PPEF2: variants seen among roughly 807,000 people sequenced by gnomAD.
PPEF2 encodes protein phosphatase with EF-hand domain 2.
Under a neutral mutation model 84.7 loss-of-function variants are expected in PPEF2, and 84 were observed. That is an observed-to-expected ratio of 0.99 (90% CI 0.83 to 1.19). The LOEUF (loss-of-function observed/expected upper bound fraction) is 1.19, where lower values mean the gene tolerates loss of function less well. Ranked by LOEUF, PPEF2 falls within the 50% of genes most tolerant of loss-of-function variation. The pLI, the probability that PPEF2 is intolerant of heterozygous loss-of-function variation, is 0.00. For synonymous variants in PPEF2, 346 were observed against 345.2 expected (o/e 1.00, Z -0.03); for missense variants, 924 against 937.5 (o/e 0.99, Z 0.19).
At chr4:75,866,589 C>T (rs1032088148) in intron 14 of PPEF2, 3 of 526,008 alleles carry the variant, frequency 5.7e-6, no homozygotes, top group South Asian at 2.0e-5. Flanking sequence ...TATAAAAGTG[C>T]CAAATATTGC....
At chr4:75,881,646 A>G (rs567644138) in intron 10 of PPEF2, 2 of 152,330 alleles carry the variant, frequency 1.3e-5, no homozygotes, top group South Asian at 4.1e-4. Flanking sequence ...GGACACAGCA[A>G]TTTCTAGTTA....
At position 75,872,175 on chromosome 4, in the gene PPEF2, A is replaced by G. The variant is rs1393467036; in HGVS notation, c.1507-8T>C. ...AGAAAAGATTGTTAATACCTACATC[A>G]AAACAGAAGAGAGACAGGTGTTCAC... On this transcript the variant is annotated splice_polypyrimidine_tract_variant and splice_region_variant and intron_variant, in intron 12 of 16. Coordinates refer to ENST00000286719, the MANE Select transcript of PPEF2 (RefSeq NM_006239.3). 1 of 1,611,606 alleles carries G rather than the reference A, an allele frequency of 6.2e-7. No individual in the cohort carries two copies. Among genetic ancestry groups the G allele is most frequent in the African/African-American group, 1.3e-5 (1 of 74,784 alleles).
chr4:75,869,322 A>T (rs549619535), intron 13 of PPEF2, among the ~76,000 whole-genome samples: 1 of 152,212 alleles, frequency 6.6e-6, no homozygotes, highest in Non-Finnish European at 1.5e-5. Flanking sequence ...AGAGCTCTAC[A>T]TGGATTATCT....
intron 16 of PPEF2, among the ~76,000 whole-genome samples, chr4:75,861,614 G>GTTTTTTTTTTTTTTTTTTTTT (rs71210216): frequency 1.2e-5 from 1 of 86,138 alleles, no homozygotes; most frequent in South Asian, 7.4e-4. Context: ...TTATGCAACA[G>GTTTTTTTTTTTTTTTTTTTTT]TTTTTTTTTT....
At chr4:75,882,549 T>TTG (rs1456369576) in intron 10 of PPEF2, among the ~76,000 whole-genome samples, 1 of 151,736 alleles carries the variant, frequency 6.6e-6, no homozygotes, top group Non-Finnish European at 1.5e-5. Flanking sequence ...CTTTTTTTTT[T>TTG]TTTTAGAAAC....
chr4:75,861,982 C>T (rs62321581), intron 16 of PPEF2, among the ~76,000 whole-genome samples: 150,011 of 151,350 alleles, frequency 0.99, 74,359 homozygotes, highest in Middle Eastern at 1. Context: ...ATAAATTGGA[C>T]TTTTTCAAAA....
rs33975459 is a variant in PPEF2 at position 75,870,878 on chromosome 4, C to CATTT, written c.1649+1143_1649+1146dup. On this transcript the variant is annotated intron_variant, in intron 13 of 16. Transcript: ENST00000286719. Reference sequence around the variant, plus strand: ...AACTCAGAATCATCTCAAAAGCTACCATTTATTTATTTATTTATTTATTTA... The same window carrying CATTT: ...AACTCAGAATCATCTCAAAAGCTACCATTTATTTATTTATTTATTTATTTATTTA... Among the ~76,000 whole-genome samples, 745 of 146,654 alleles carry CATTT rather than the reference C, an allele frequency of 5.1e-3. 7 individuals are homozygous for CATTT. The highest frequency in any genetic ancestry group is 0.011 in the Admixed American group (158 of 14,696).
chr4:75,882,801 C>G, intron 10 of PPEF2, 125 bp downstream of exon 10: 1 of 1,071,344 alleles, frequency 9.3e-7, no homozygotes, highest in Non-Finnish European at 1.3e-6. Flanking sequence ...CCTCCATACT[C>G]TTAATGGCCT....
chr4:75,890,635 C>T (rs115705299), intron 4 of PPEF2, among the ~76,000 whole-genome samples: 2,772 of 152,108 alleles, frequency 0.018, 26 homozygotes, highest in Middle Eastern at 0.041. Flanking sequence ...GTCATGCTTT[C>T]TACTTTTATT....
intron 2 of PPEF2, among the ~76,000 whole-genome samples, chr4:75,895,956 C>A (rs938988785): frequency 3.3e-5 from 5 of 152,232 alleles, no homozygotes; most frequent in Admixed American, 1.3e-4. Flanking sequence ...GACCTTTGGA[C>A]GTGCTCTACC....
chr4:75,877,006 A>AAAAGAAAGAAAG lies in PPEF2; in HGVS notation c.934-345_934-334dup, dbSNP rs71657381. Reference sequence around the variant, plus strand: ...CTGAGCAACAGAGGGAGACCCTGAAAAAAGAAAGAAAGAAAGAAAGAAAGA... The same window carrying AAAAGAAAGAAAG: ...CTGAGCAACAGAGGGAGACCCTGAAAAAAGAAAGAAAGAAAGAAAGAAAGAAAGAAAGAAAGA... On this transcript the variant is annotated intron_variant, in intron 10 of 16. Transcript: ENST00000286719. Among the ~76,000 whole-genome samples, 51 of 53,646 alleles carry AAAAGAAAGAAAG rather than the reference A, an allele frequency of 9.5e-4. 6 individuals are homozygous for AAAAGAAAGAAAG. Among genetic ancestry groups the AAAAGAAAGAAAG allele is most frequent in the East Asian group, 1.7e-3 (2 of 1,166 alleles). The allele number at this position is 53,646 out of a possible 152,430, so 35.2% of individuals were successfully genotyped here.
At chr4:75,892,019 C>T in intron 2 of PPEF2, 41 bp from the exon 3 acceptor site, 1 of 1,603,390 alleles carries the variant, frequency 6.2e-7, no homozygotes. Context: ...AGCTCGGACT[C>T]CCTGGGCCAG....
chr4:75,896,271 C>T lies in PPEF2; in HGVS notation c.55G>A (p.Ala19Thr). 1 of 1,614,020 alleles carries T rather than the reference C, an allele frequency of 6.2e-7. No homozygotes were observed. The highest frequency in any genetic ancestry group is 1.3e-5 in the African/African-American group (1 of 75,060). The change falls in exon 2 of 17, where the codon GCC (alanine) becomes ACC (threonine). Residue 19 changes from alanine to threonine, a missense_variant and splice_region_variant. Ala to Thr is a moderately conservative substitution (Grantham distance 58). Coordinates refer to ENST00000286719, the MANE Select transcript of PPEF2 (RefSeq NM_006239.3). ...HHFAFQNAER[A>T]FKAAALIQRW... ...GGTTTGGAAAGTGGGAAACACGTAC[C>T]TCTCTCTGCATTCTGGAAAGCAAAA... is the stretch of plus-strand genomic sequence containing the variant.
At chr4:75,866,157 T>C (rs377359375) in intron 15 of PPEF2, 32 bp downstream of exon 15, 2 of 1,582,046 alleles carry the variant, frequency 1.3e-6, no homozygotes, top group Non-Finnish European at 1.7e-6. Flanking sequence ...ATAGTCCACA[T>C]GTGCTCTCAT....
At chr4:75,861,050 T>A in intron 16 of PPEF2, 130 bp from the exon 17 acceptor site, 3 of 1,115,742 alleles carry the variant, frequency 2.7e-6, no homozygotes, top group Non-Finnish European at 3.8e-6. Flanking sequence ...GTATCTAATT[T>A]AAACTCCCAA....
chr4:75,882,745 T>C, intron 10 of PPEF2, 181 bp downstream of exon 10: 1 of 577,274 alleles, frequency 1.7e-6, no homozygotes, highest in Non-Finnish European at 2.9e-6. Flanking sequence ...GCAATCTTCC[T>C]GTCTTCTAAA....
At chr4:75,882,102 T>C (rs983687036) in intron 10 of PPEF2, 1 of 152,226 alleles carries the variant, frequency 6.6e-6, no homozygotes, top group Admixed American at 6.5e-5. Flanking sequence ...TGGTAAATCA[T>C]ACATTCTGTC....
At chr4:75,895,420 C>A (rs1180615355) in intron 2 of PPEF2, among the ~76,000 whole-genome samples, 1 of 148,846 alleles carries the variant, frequency 6.7e-6, no homozygotes, top group Non-Finnish European at 1.5e-5. Context: ...CAGAGGGAAA[C>A]TCGGTCTCAA....
Position 75,864,529 on chromosome 4 carries a change from T to C in PPEF2, c.1921-2A>G. The C allele has an allele frequency of 6.2e-7, 1 of 1,607,828 alleles. No individual in the cohort carries two copies. Among genetic ancestry groups the C allele is most frequent in the African/African-American group, 1.3e-5 (1 of 74,910 alleles). On this transcript the variant is annotated splice_acceptor_variant, in intron 15 of 16. Transcript: ENST00000286719. LOFTEE classifies it high-confidence loss of function. ...TTCCAGCAAACTTGATTGTATGTTC[T>C]GCAAGAAAAAATTCATTTTCCTTCT...
Sources: gnomAD v4.1 joint callset for allele counts (sites outside exome capture counted in the v4.1 genomes callset) on GRCh38, gnomAD v4.1.1 for gene constraint, MANE v1.5 for transcripts, NCBI Gene and HGNC (gene_info 2026-07-23, HGNC 2026-07-21) for gene names.